The following NFASC variants were observed in gnomAD, a reference collection of about 807,000 sequenced individuals.
The protein encoded by NFASC is neurofascin, also known as neurofascin homolog.
A neutral mutation model predicts 147.5 loss-of-function variants in NFASC; 43 were observed. The observed-to-expected ratio is 0.29, with a 90% confidence interval of 0.23 to 0.38. The LOEUF is 0.38. NFASC is among the 10% of genes least tolerant of loss of function. NFASC has a pLI of 1.00. For synonymous variants in NFASC, 622 were observed against 665.5 expected, an observed-to-expected ratio of 0.93 and a Z score of 1.01; for missense variants, 1,320 against 1,689.0, an observed-to-expected ratio of 0.78 and a Z score of 3.83.
Position 205,009,617 on chromosome 1 carries a change from C to G in NFASC, c.3350C>G (p.Ala1117Gly). ...GGCTGGTTCATTGGGCTTATGTGCG[C>G]CATCGCCCTCCTGGTGCTGATCCTG... ...TQGWFIGLMCAIALLVLILLI... is the reference protein window; with the variant it reads ...TQGWFIGLMCGIALLVLILLI... Residue 1117 changes from alanine to glycine, a missense_variant, in exon 28 of 30, where the codon GCC becomes GGC. Ala to Gly is a moderately conservative substitution (Grantham distance 60). Transcript: ENST00000339876. The G allele has an allele frequency of 6.2e-7, 1 of 1,614,174 alleles. No homozygotes were observed. Among genetic ancestry groups the G allele is most frequent in the Non-Finnish European group, 8.5e-7 (1 of 1,180,018 alleles).
Position 204,986,439 on chromosome 1 carries a change from C to T in NFASC, c.2471-979C>T, listed in dbSNP as rs545619701. On this transcript the variant is annotated intron_variant, in intron 21 of 29. Coordinates refer to ENST00000339876, the MANE Select transcript of NFASC (RefSeq NM_001005388.3). This position sits in a 1 kb window ranked among gnomAD's most constrained non-coding sequence, Gnocchi z 4.2. ...CCACCTTCCGAGGCAGAAGGCAGCACGTCCATCCTGACTGCCTGGAACCAT... is the reference window on the plus strand; with the variant it reads ...CCACCTTCCGAGGCAGAAGGCAGCATGTCCATCCTGACTGCCTGGAACCAT... Among the ~76,000 whole-genome samples the T allele has an allele frequency of 2.0e-4, 31 of 152,360 alleles. 1 individual carries two copies. The highest frequency in any genetic ancestry group is 7.0e-4 in the African/African-American group (29 of 41,584).
chr1:204,870,802 G>A (rs978864494), intron 1 of NFASC: 6 of 1,174,080 alleles, frequency 5.1e-6, no homozygotes, highest in South Asian at 1.6e-5. Flanking sequence ...TTTATGCCAC[G>A]GAGGGCTGGG....
At chr1:204,934,276 T>G (rs1040637998) in intron 2 of NFASC, among the ~76,000 whole-genome samples, 2 of 152,086 alleles carry the variant, frequency 1.3e-5, no homozygotes, top group African/African-American at 4.8e-5. Flanking sequence ...AAGCTGGGGC[T>G]GGTCCAGGTA....
At chr1:204,870,526 G>A (rs1373340397) in intron 1 of NFASC, 1 of 240,346 alleles carries the variant, frequency 4.2e-6, no homozygotes, top group African/African-American at 2.3e-5. Context: ...AATCTTAACA[G>A]GGGGGTCTGC....
intron 1 of NFASC, among the ~76,000 whole-genome samples, chr1:204,898,801 A>G (rs1260465031): frequency 1.3e-5 from 2 of 152,180 alleles, no homozygotes; most frequent in African/African-American, 4.8e-5. Context: ...TAGTTCATTG[A>G]TTTCTAAAAG....
At chr1:204,939,671 A>G (rs561908160) in intron 2 of NFASC, among the ~76,000 whole-genome samples, 166 of 152,376 alleles carry the variant, frequency 1.1e-3, no homozygotes, top group Non-Finnish European at 1.7e-3. Flanking sequence ...AAGTGCTGGG[A>G]GAGGAACCCG....
intron 11 of NFASC, among the ~76,000 whole-genome samples, chr1:204,972,333 G>A (rs1296345098): frequency 2.0e-5 from 3 of 152,226 alleles, no homozygotes. Context: ...GATGAGAAAA[G>A]TGGCAATTCT....
intron 1 of NFASC, among the ~76,000 whole-genome samples, chr1:204,857,581 C>T (rs1240026085): frequency 2.0e-5 from 3 of 152,188 alleles, no homozygotes; most frequent in South Asian, 2.1e-4. Context: ...TGTGTGACCA[C>T]GTGGGATCTC....
In NFASC at chr1:205,015,906, C is replaced by T. The variant is rs776905453; in HGVS notation, c.3492-402C>T. ...GCCCCTCTTGATGGACAGACTGAGG[C>T]CCAGGTCACAAAACCACACAGTGAC... On this transcript the variant is annotated intron_variant, in intron 29 of 29. Coordinates refer to ENST00000339876, the MANE Select transcript of NFASC (RefSeq NM_001005388.3). This position sits in a 1 kb window ranked among gnomAD's most constrained non-coding sequence, Gnocchi z 4.0. Among the ~76,000 whole-genome samples, 1 of 152,076 alleles carries T rather than the reference C, an allele frequency of 6.6e-6. No individual in the cohort carries two copies. Among genetic ancestry groups the T allele is most frequent in the Non-Finnish European group, 1.5e-5 (1 of 68,040 alleles).
intron 21 of NFASC, chr1:204,985,846 C>T (rs2095604939): frequency 1.9e-6 from 2 of 1,043,230 alleles, no homozygotes; most frequent in Admixed American, 1.9e-5. Flanking sequence ...TCACTACCAC[C>T]ACCACTAACA....
At chr1:204,974,614 G>C in intron 13 of NFASC, 43 bp from the exon 14 acceptor site, 1 of 1,611,958 alleles carries the variant, frequency 6.2e-7, no homozygotes. Flanking sequence ...CCTTGGGCTG[G>C]TCCTGTCTCA....
chr1:204,952,852 G>A (rs547730878), intron 5 of NFASC, among the ~76,000 whole-genome samples: 1 of 152,348 alleles, frequency 6.6e-6, no homozygotes, highest in South Asian at 2.1e-4. Context: ...CATCTAGGGT[G>A]TGTCTGTCAG....
intron 28 of NFASC, chr1:205,009,924 G>T (rs2096220055): frequency 1.8e-6 from 1 of 554,346 alleles, no homozygotes; most frequent in Non-Finnish European, 3.2e-6. Flanking sequence ...GAGAGGGGAT[G>T]GAAGGAACCC....
At chr1:204,974,382 C>T (rs2095347465) in intron 13 of NFASC, 92 bp downstream of exon 13, 1 of 1,003,372 alleles carries the variant, frequency 1.0e-6, no homozygotes, top group Non-Finnish European at 1.5e-6. Context: ...TCAGCAAGAC[C>T]TGGGAATCTT....
In NFASC at chr1:204,950,271, A is replaced by G. The variant is rs72751463; in HGVS notation, c.92-286A>G. Among the ~76,000 whole-genome samples, 755 of 152,332 alleles carry G rather than the reference A, an allele frequency of 5.0e-3. 10 individuals are homozygous for G. The highest frequency in any genetic ancestry group is 9.9e-3 in the South Asian group (48 of 4,832). Reference sequence around the variant, plus strand: ...GGGGACATGTGGACTTCCTGGTGACACTGTCCTTTGATCAGAGCCAGTCTT... The same window carrying G: ...GGGGACATGTGGACTTCCTGGTGACGCTGTCCTTTGATCAGAGCCAGTCTT... On this transcript the variant is annotated intron_variant, in intron 3 of 29. Transcript: ENST00000339876.
intron 28 of NFASC, among the ~76,000 whole-genome samples, chr1:205,011,744 C>A (rs1013748158): frequency 1.1e-4 from 17 of 152,312 alleles, no homozygotes; most frequent in Admixed American, 7.2e-4. Flanking sequence ...GGTTCGGTTT[C>A]CCTCATCTAA....
In NFASC at chr1:204,974,163, T is replaced by C. The variant is rs763186083; in HGVS notation, c.1280-16T>C. 10 of 1,608,164 alleles carry C rather than the reference T, an allele frequency of 6.2e-6. No homozygotes were observed. Among genetic ancestry groups the C allele is most frequent in the Non-Finnish European group, 8.5e-6 (10 of 1,176,058 alleles). Reference sequence around the variant, plus strand: ...TTTAGACTTGGCACTCGAGATTGCTTCTCTGGGAATTTCAGATGTGCCGCC... The same window carrying C: ...TTTAGACTTGGCACTCGAGATTGCTCCTCTGGGAATTTCAGATGTGCCGCC... On this transcript the variant is annotated splice_polypyrimidine_tract_variant and intron_variant, in intron 12 of 29. Coordinates refer to ENST00000339876, the MANE Select transcript of NFASC (RefSeq NM_001005388.3).
intron 5 of NFASC, among the ~76,000 whole-genome samples, chr1:204,953,244 A>C (rs967874798): frequency 6.6e-5 from 10 of 152,162 alleles, no homozygotes; most frequent in Admixed American, 5.9e-4. Context: ...CCAGTGGCTC[A>C]GTTCTACTAG....
chr1:204,832,978 G>A (rs1036648478), intron 1 of NFASC, among the ~76,000 whole-genome samples: 2 of 152,234 alleles, frequency 1.3e-5, no homozygotes, highest in African/African-American at 4.8e-5. Flanking sequence ...TAACTGTAAG[G>A]GCAGATGTTG....
Sources: allele counts gnomAD v4.1 joint callset (sites outside exome capture counted in the v4.1 genomes callset), GRCh38; gene constraint gnomAD v4.1.1; non-coding constraint Gnocchi (gnomAD v3.1); transcripts MANE v1.5; gene names NCBI Gene and HGNC (gene_info 2026-07-23, HGNC 2026-07-21).